Variants in HAS3 observed in about 807,000 individuals in gnomAD.
The protein encoded by HAS3 is HA synthase 3.
A neutral mutation model predicts 50.3 loss-of-function variants in HAS3; 27 were observed. The observed-to-expected ratio is 0.54, with a 90% CI of 0.40 to 0.74. The LOEUF is 0.74. Ranked by LOEUF, HAS3 falls within the 30% of genes least tolerant of loss-of-function variation. HAS3 has a pLI of 0.00. For synonymous variants in HAS3, 339 were observed against 310.9 expected, an observed-to-expected ratio of 1.09 and a Z score of -0.95; for missense variants, 517 against 742.8, an observed-to-expected ratio of 0.70 and a Z score of 3.53.
Position 69,114,146 on chromosome 16 carries a change from G to A in HAS3, c.739-197G>A, listed in dbSNP as rs1961101117. On this transcript the variant is annotated intron_variant, in intron 3 of 3. Coordinates refer to ENST00000569188, the MANE Select transcript of HAS3 (RefSeq NM_001199280.2). The surrounding 1 kb of genome is among the most constrained non-coding windows in gnomAD (Gnocchi z 6.4). ...TGCAGATAAGATGACACAGTAGGGA[G>A]GTAGAGCTGGTGCTGGGGACAGGGA... is the stretch of plus-strand genomic sequence containing the variant. Among the ~76,000 whole-genome samples the A allele has an allele frequency of 6.6e-6, 1 of 152,206 alleles. No individual in the cohort carries two copies. The highest frequency in any genetic ancestry group is 2.4e-5 in the African/African-American group (1 of 41,446).
rs969948518 is a variant in HAS3 at position 69,107,832 on chromosome 16, CG to C, written c.1-1561del. ...TGAAGGAAGCACACGGCGGGCTCCCCGGGACGGTGGGGCAGAGCGCCCGGAG... is the reference window on the plus strand; with the variant it reads ...TGAAGGAAGCACACGGCGGGCTCCCCGGACGGTGGGGCAGAGCGCCCGGAG... On this transcript the variant is annotated intron_variant, in intron 1 of 3. Transcript: ENST00000569188. The surrounding 1 kb of genome is among the most constrained non-coding windows in gnomAD (Gnocchi z 5.5). 2.2e-4 allele frequency: 115 copies of C among 529,304 alleles called. No homozygotes were observed. The highest frequency in any genetic ancestry group is 2.1e-3 in the African/African-American group (104 of 48,746). The allele number at this position is 529,304 out of a possible 1,614,324, so 32.8% of individuals were successfully genotyped here.
chr16:69,094,276 C>G, the HAS3 span, among the ~76,000 whole-genome samples: 2 of 152,158 alleles, frequency 1.3e-5, no homozygotes, highest in Admixed American at 6.5e-5. Context: ...CAGGTAGCCA[C>G]CTGGCGCTGG....
At chr16:69,118,133 A>AATTC, downstream of HAS3, 1 of 148,006 alleles carries the variant, frequency 6.8e-6, no homozygotes, top group Non-Finnish European at 1.3e-5. Flanking sequence ...CCCCACCCCC[A>AATTC]CCCTAATTCC....
upstream of HAS3, among the ~76,000 whole-genome samples, chr16:69,105,006 T>TG (rs1567577005): frequency 1.2e-5 from 1 of 80,312 alleles, no homozygotes; most frequent in African/African-American, 5.1e-5. Context: ...TTTTTTTTTT[T>TG]TTTTTTTTTT....
In HAS3 at chr16:69,107,766, C is replaced by A. The variant is rs1597093018; in HGVS notation, c.1-1630C>A. On this transcript the variant is annotated intron_variant, in intron 1 of 3. Transcript: ENST00000569188. This position sits in a 1 kb window ranked among gnomAD's most constrained non-coding sequence, Gnocchi z 5.5. Reference sequence around the variant, plus strand: ...GGCCTGGGGACTCCTGGGCCGCAGGCGCGAGCAGTAGGGTGGCAACAGGGA... The same window carrying A: ...GGCCTGGGGACTCCTGGGCCGCAGGAGCGAGCAGTAGGGTGGCAACAGGGA... 2 of 920,198 alleles carry A rather than the reference C, an allele frequency of 2.2e-6. No individual in the cohort carries two copies. The highest frequency in any genetic ancestry group is 1.8e-5 in the African/African-American group (1 of 56,020). The allele number at this position is 920,198 out of a possible 1,614,324, so 57.0% of individuals were successfully genotyped here. A position where few individuals can be genotyped will look rare whatever the true frequency, so the allele number is the denominator to read the frequency against.
At chr16:69,086,568 ATGAT>A in the HAS3 span, among the ~76,000 whole-genome samples, 2 of 127,658 alleles carry the variant, frequency 1.6e-5, no homozygotes. Flanking sequence ...GTGTGTATGA[ATGAT>A]AGTCCTTGGG....
chr16:69,087,951 G>A, the HAS3 span, among the ~76,000 whole-genome samples: 2 of 151,632 alleles, frequency 1.3e-5, no homozygotes, highest in Non-Finnish European at 1.5e-5. Context: ...TGTTCTGCCC[G>A]CCTCGGCCTC....
In HAS3 at chr16:69,116,754, GCT is replaced by G. The variant is rs1277702712; in HGVS notation, c.*1489_*1490del. ...CATTTTCCAGTGACTTGCAATCCAG[GCT>G]GTTCTCAGCGTTTTGAGTTTAAAAC... On this transcript the variant is annotated 3_prime_UTR_variant, in exon 4 of 4. Coordinates refer to ENST00000569188, the MANE Select transcript of HAS3 (RefSeq NM_001199280.2). 3 of 985,262 alleles carry G rather than the reference GCT, an allele frequency of 3.0e-6. No individual in the cohort carries two copies. The highest frequency in any genetic ancestry group is 3.5e-5 in the African/African-American group (2 of 57,224). The allele number at this position is 985,262 out of a possible 1,614,324, so 61.0% of individuals were successfully genotyped here. A position where few individuals can be genotyped will look rare whatever the true frequency, so the allele number is the denominator to read the frequency against.
upstream of HAS3, among the ~76,000 whole-genome samples, chr16:69,104,176 G>C (rs1267550093): frequency 6.6e-6 from 1 of 151,362 alleles, no homozygotes; most frequent in Non-Finnish European, 1.5e-5. Context: ...CTGTTGCCTT[G>C]ACCTCCTGGG....
At chr16:69,083,571 C>T in the HAS3 span, 1 of 1,607,750 alleles carries the variant, frequency 6.2e-7, no homozygotes, top group Non-Finnish European at 8.5e-7. Context: ...AGCTCCATGC[C>T]CAGTTGGCCC....
chr16:69,116,615 A>G lies in HAS3; in HGVS notation c.*1349A>G, dbSNP rs1961194441. The G allele has an allele frequency of 1.0e-6, 1 of 985,382 alleles. No homozygotes were observed. Among genetic ancestry groups the G allele is most frequent in the African/African-American group, 1.7e-5 (1 of 57,212 alleles). 61.0% of individuals were successfully genotyped at this position (985,382 alleles called of 1,614,324 possible). A position where few individuals can be genotyped will look rare whatever the true frequency, so the allele number is the denominator to read the frequency against. On this transcript the variant is annotated 3_prime_UTR_variant, in exon 4 of 4. Coordinates refer to ENST00000569188, the MANE Select transcript of HAS3 (RefSeq NM_001199280.2). ...TTTGCCTGCTTCTTTCCAGAAACCA[A>G]ACTAGGAGATGAAACTGGTTCCTAC...
At chr16:69,095,653 T>C in the HAS3 span, among the ~76,000 whole-genome samples, 3 of 151,102 alleles carry the variant, frequency 2.0e-5, no homozygotes, top group African/African-American at 7.3e-5. Context: ...CTGCCAGACA[T>C]GGGAATCACT....
At chr16:69,094,364 C>A in the HAS3 span, among the ~76,000 whole-genome samples, 3 of 152,182 alleles carry the variant, frequency 2.0e-5, no homozygotes, top group African/African-American at 7.2e-5. Flanking sequence ...TTCACTGGAC[C>A]ACACACCACC....
At chr16:69,113,853 A>G (rs909485563) in intron 3 of HAS3, among the ~76,000 whole-genome samples, 5 of 152,166 alleles carry the variant, frequency 3.3e-5, no homozygotes, top group Non-Finnish European at 7.4e-5. Context: ...AAGTAGCTCC[A>G]AAGTCAGATC....
the HAS3 span, among the ~76,000 whole-genome samples, chr16:69,096,614 T>G: frequency 1.6e-5 from 1 of 61,392 alleles, no homozygotes; most frequent in South Asian, 4.7e-4. Flanking sequence ...CCAACACCAA[T>G]TTTTTTTTTT....
chr16:69,111,001 C>T (rs923118193), intron 2 of HAS3, among the ~76,000 whole-genome samples: 1 of 151,982 alleles, frequency 6.6e-6, no homozygotes, highest in Non-Finnish European at 1.5e-5. Flanking sequence ...CCCTGCCCAG[C>T]TTTGGTCAAA....
rs1175342797 is a variant in HAS3, at chr16:69,109,343, A to G, written c.1-53A>G. On this transcript the variant is annotated intron_variant, in intron 1 of 3. Coordinates refer to ENST00000569188, the MANE Select transcript of HAS3 (RefSeq NM_001199280.2). This position sits in a 1 kb window ranked among gnomAD's most constrained non-coding sequence, Gnocchi z 5.3. ...ACAGAGAACACCCATGCTCCCACGGACTGGAAATGCTGCCTCCTGCCTGAC... is the reference window on the plus strand; with the variant it reads ...ACAGAGAACACCCATGCTCCCACGGGCTGGAAATGCTGCCTCCTGCCTGAC... 1.9e-6 allele frequency: 3 copies of G among 1,546,280 alleles called. No homozygotes were observed. The highest frequency in any genetic ancestry group is 2.6e-6 in the Non-Finnish European group (3 of 1,148,174).
chr16:69,101,462 G>T (rs1960696135), upstream of HAS3, among the ~76,000 whole-genome samples: 3 of 152,002 alleles, frequency 2.0e-5, no homozygotes, highest in Admixed American at 6.6e-5. Flanking sequence ...CACCACGCTT[G>T]GCTAATTTTT....
chr16:69,097,671 A>C, the HAS3 span, among the ~76,000 whole-genome samples: 4 of 152,234 alleles, frequency 2.6e-5, no homozygotes, highest in Admixed American at 2.6e-4. Context: ...TGCTGCTGAC[A>C]TCACCAGGCT....
Sources: gnomAD v4.1 joint callset for allele counts (sites outside exome capture counted in the v4.1 genomes callset) on GRCh38, gnomAD v4.1.1 for gene constraint, Gnocchi (gnomAD v3.1) non-coding constraint, MANE v1.5 for transcripts, NCBI Gene and HGNC (gene_info 2026-07-23, HGNC 2026-07-21) for gene names.